The following LAMA2 variants were observed in gnomAD, a reference collection of about 807,000 sequenced individuals.
LAMA2 encodes laminin subunit alpha 2.
LAMA2 carries 269 observed loss-of-function variants against 364.8 expected under a neutral mutation model. The observed-to-expected ratio is 0.74, with a 90% CI of 0.67 to 0.82. LAMA2 has a LOEUF of 0.82. Ranked by LOEUF, LAMA2 falls within the 40% of genes least tolerant of loss-of-function variation. The pLI, the probability that LAMA2 is intolerant of heterozygous loss-of-function variation, is 0.00. For synonymous variants in LAMA2, 1,379 were observed against 1,370.6 expected (o/e 1.01, Z -0.14); for missense variants, 3,807 against 3,873.2 (o/e 0.98, Z 0.45).
At chr6:128,970,515 G>T (rs1181746427) in intron 1 of LAMA2, among the ~76,000 whole-genome samples, 2 of 152,148 alleles carry the variant, frequency 1.3e-5, no homozygotes, top group African/African-American at 4.8e-5. Flanking sequence ...ACTGAAATTG[G>T]ATATGGTTCA....
intron 1 of LAMA2, among the ~76,000 whole-genome samples, chr6:128,911,459 G>T (rs866487242): frequency 1.3e-5 from 2 of 152,122 alleles, no homozygotes; most frequent in African/African-American, 4.8e-5. Context: ...GACCCCTTGC[G>T]CTTCCCGAGT....
intron 32 of LAMA2, among the ~76,000 whole-genome samples, chr6:129,354,350 T>C (rs957891743): frequency 6.6e-6 from 1 of 152,114 alleles, no homozygotes; most frequent in Non-Finnish European, 1.5e-5. Context: ...ATTTTAACCA[T>C]CTTTAATGAA....
At chr6:128,980,709 T>C (rs762033508) in intron 1 of LAMA2, among the ~76,000 whole-genome samples, 3 of 152,228 alleles carry the variant, frequency 2.0e-5, no homozygotes, top group Non-Finnish European at 4.4e-5. Context: ...TGATTGTTAT[T>C]CTAATATTTC....
intron 4 of LAMA2, among the ~76,000 whole-genome samples, chr6:129,116,902 G>A (rs1165100004): frequency 6.6e-6 from 1 of 151,898 alleles, no homozygotes; most frequent in African/African-American, 2.4e-5. Context: ...TTAAAGAAGT[G>A]TACTTTTTTA....
intron 4 of LAMA2, among the ~76,000 whole-genome samples, chr6:129,142,333 GTT>G (rs1562272032): frequency 6.6e-6 from 1 of 151,958 alleles, no homozygotes; most frequent in Non-Finnish European, 1.5e-5. Context: ...GGTGAGGACT[GTT>G]TCGGGGCTTG....
chr6:129,316,525 C>T (rs147555421), intron 27 of LAMA2, among the ~76,000 whole-genome samples: 366 of 152,234 alleles, frequency 2.4e-3, no homozygotes, highest in Non-Finnish European at 4.4e-3. Context: ...CCTCTTCACC[C>T]ATCAGGGGAA....
At chr6:129,237,160 A>T (rs1420229628) in intron 12 of LAMA2, among the ~76,000 whole-genome samples, 2 of 152,206 alleles carry the variant, frequency 1.3e-5, no homozygotes, top group Non-Finnish European at 2.9e-5. Context: ...AATGTAATGA[A>T]TGAACATATC....
At chr6:129,294,375 T>C (rs1263835789) in intron 20 of LAMA2, among the ~76,000 whole-genome samples, 1 of 152,194 alleles carries the variant, frequency 6.6e-6, no homozygotes, top group Non-Finnish European at 1.5e-5. Flanking sequence ...AATTCATTTC[T>C]CACGATTCTA....
At position 129,200,354 on chromosome 6, in the gene LAMA2, A is replaced by G. The variant is rs550456668; in HGVS notation, c.1782+7501A>G. On this transcript the variant is annotated intron_variant, in intron 12 of 64. Transcript: ENST00000421865. ...TACATATACACGTATATGTGTACAC[A>G]TATACATATACACGTGTATGTGTAC... Among the ~76,000 whole-genome samples the G allele has an allele frequency of 3.6e-4, 53 of 145,348 alleles. 1 individual carries two copies. Among genetic ancestry groups the G allele is most frequent in the African/African-American group, 1.2e-3 (48 of 39,492 alleles).
At chr6:129,163,131 C>T (rs1006753934) in intron 8 of LAMA2, among the ~76,000 whole-genome samples, 5 of 151,602 alleles carry the variant, frequency 3.3e-5, no homozygotes, top group Non-Finnish European at 7.4e-5. Context: ...TTTTTTTAGG[C>T]TTTTGTTTAA....
chr6:129,227,844 C>T (rs568975927), intron 12 of LAMA2, among the ~76,000 whole-genome samples: 1 of 152,304 alleles, frequency 6.6e-6, no homozygotes, highest in South Asian at 2.1e-4. Flanking sequence ...AACCACTACT[C>T]TCTTCAAAGC....
At chr6:129,451,184 T>C (rs983275854) in intron 45 of LAMA2, among the ~76,000 whole-genome samples, 1 of 152,142 alleles carries the variant, frequency 6.6e-6, no homozygotes, top group African/African-American at 2.4e-5. Flanking sequence ...CAAGTAAAAA[T>C]TGTACATTTC....
At chr6:129,344,753 T>TGACA (rs1429406187) in intron 30 of LAMA2, among the ~76,000 whole-genome samples, 1 of 152,140 alleles carries the variant, frequency 6.6e-6, no homozygotes, top group African/African-American at 2.4e-5. Flanking sequence ...GCACTGCCAT[T>TGACA]GACACCAAGG....
chr6:129,486,385 G>T (rs1164000358), intron 55 of LAMA2, 89 bp from the exon 56 acceptor site: 2 of 1,296,172 alleles, frequency 1.5e-6, no homozygotes, highest in African/African-American at 2.9e-5. Flanking sequence ...TCTCAGAGCA[G>T]ACGAACCTGT....
chr6:129,245,677 T>C (rs192230555), intron 12 of LAMA2, among the ~76,000 whole-genome samples: 3 of 152,322 alleles, frequency 2.0e-5, no homozygotes, highest in Admixed American at 6.5e-5. Flanking sequence ...TTTGGAATCT[T>C]TTAGTTCCCT....
chr6:129,044,815 A>G (rs1787360051), intron 1 of LAMA2, among the ~76,000 whole-genome samples: 1 of 152,120 alleles, frequency 6.6e-6, no homozygotes, highest in Non-Finnish European at 1.5e-5. Flanking sequence ...AGTTAAGAAG[A>G]TGTAAGTCAA....
intron 1 of LAMA2, among the ~76,000 whole-genome samples, chr6:128,950,563 A>G (rs1780750825): frequency 6.6e-6 from 1 of 152,112 alleles, no homozygotes; most frequent in East Asian, 1.9e-4. Flanking sequence ...TAAAGAGTCA[A>G]CATCTGGGAG....
chr6:129,351,275 C>T (rs1021657614), intron 31 of LAMA2, among the ~76,000 whole-genome samples: 1 of 151,988 alleles, frequency 6.6e-6, no homozygotes, highest in African/African-American at 2.4e-5. Flanking sequence ...TAGAAGGGTA[C>T]ACTAAAATAA....
At chr6:129,360,017 T>C (rs1777371346) in intron 32 of LAMA2, among the ~76,000 whole-genome samples, 2 of 152,210 alleles carry the variant, frequency 1.3e-5, no homozygotes, top group South Asian at 4.1e-4. Flanking sequence ...CTGACACTTT[T>C]ATAGGCAAAG....
Sources: allele counts gnomAD v4.1 joint callset (sites outside exome capture counted in the v4.1 genomes callset), GRCh38; gene constraint gnomAD v4.1.1; transcripts MANE v1.5; gene names NCBI Gene and HGNC (gene_info 2026-07-23, HGNC 2026-07-21).